The following FAT3 variants were observed in gnomAD, a reference collection of about 807,000 sequenced individuals.
FAT3 encodes the protein FAT atypical cadherin 3, also known as protocadherin Fat 3.
Under a neutral mutation model 310.2 loss-of-function variants are expected in FAT3, and 95 were observed. The ratio of observed to expected loss-of-function variants is 0.31; its 90% CI spans 0.26 to 0.36. FAT3 has a LOEUF of 0.36. Ranked by LOEUF, FAT3 falls within the 10% of genes least tolerant of loss-of-function variation. FAT3 has a pLI of 1.00. For missense variants in FAT3, 5,408 were observed against 5,715.6 expected (o/e 0.95, Z 1.74); for synonymous variants, 2,314 against 2,192.9 (o/e 1.06, Z -1.54).
chr11:92,319,724 G>A (rs532283826), intron 1 of FAT3, among the ~76,000 whole-genome samples: 1 of 152,208 alleles, frequency 6.6e-6, no homozygotes, highest in Admixed American at 6.5e-5. Flanking sequence ...TGCATGTTTA[G>A]GAGATAAGGA....
chr11:92,461,504 A>G (rs1951638447), intron 2 of FAT3, among the ~76,000 whole-genome samples: 1 of 152,196 alleles, frequency 6.6e-6, no homozygotes, highest in African/African-American at 2.4e-5. Flanking sequence ...TGTTGAAAAC[A>G]AGGGTGGGTA....
At chr11:92,566,528 A>G (rs574464098) in intron 3 of FAT3, among the ~76,000 whole-genome samples, 2 of 140,812 alleles carry the variant, frequency 1.4e-5, no homozygotes, top group South Asian at 4.2e-4. Context: ...CAGAATTGGA[A>G]AAAAACTACT....
chr11:92,698,592 T>G (rs1380950982), intron 4 of FAT3, among the ~76,000 whole-genome samples: 1 of 151,990 alleles, frequency 6.6e-6, no homozygotes, highest in Non-Finnish European at 1.5e-5. Flanking sequence ...TAATAAAGGA[T>G]TATTATTATT....
chr11:92,684,170 G>T (rs1284819575), intron 3 of FAT3, among the ~76,000 whole-genome samples: 3 of 152,148 alleles, frequency 2.0e-5, no homozygotes, highest in African/African-American at 2.4e-5. Context: ...TTTTAATCTG[G>T]GTGGCATGTT....
chr11:92,834,826 GT>G, intron 14 of FAT3, 43 bp from the exon 15 acceptor site: 1 of 1,485,686 alleles, frequency 6.7e-7, no homozygotes, highest in Non-Finnish European at 9.2e-7. Flanking sequence ...GCTGACCAGT[GT>G]TTTTTCCTAA....
chr11:92,232,778 A>G (rs1864243058), intron 1 of FAT3, among the ~76,000 whole-genome samples: 1 of 151,804 alleles, frequency 6.6e-6, no homozygotes, highest in Non-Finnish European at 1.5e-5. Flanking sequence ...AAAACTCAGT[A>G]CCTCTGAAAA....
At chr11:92,438,074 G>A (rs143131906) in intron 2 of FAT3, among the ~76,000 whole-genome samples, 2 of 152,234 alleles carry the variant, frequency 1.3e-5, no homozygotes, top group African/African-American at 4.8e-5. Context: ...ACTGGCAATT[G>A]TGATTTTAGA....
At chr11:92,644,593 C>G (rs534990957) in intron 3 of FAT3, among the ~76,000 whole-genome samples, 1 of 152,282 alleles carries the variant, frequency 6.6e-6, no homozygotes, top group Non-Finnish European at 1.5e-5. Flanking sequence ...TATGAATTTT[C>G]TATTATGAGT....
intron 2 of FAT3, among the ~76,000 whole-genome samples, chr11:92,432,393 C>T (rs1950808001): frequency 6.6e-6 from 1 of 152,144 alleles, no homozygotes; most frequent in Non-Finnish European, 1.5e-5. Flanking sequence ...AGATTTTGTG[C>T]TGAGACGATG....
At chr11:92,342,689 G>C (rs1948295516) in intron 1 of FAT3, among the ~76,000 whole-genome samples, 1 of 152,058 alleles carries the variant, frequency 6.6e-6, no homozygotes, top group Non-Finnish European at 1.5e-5. Context: ...TTTTTCCAGA[G>C]TAAGTGCTAT....
At chr11:92,322,704 T>C (rs934611034) in intron 1 of FAT3, among the ~76,000 whole-genome samples, 2 of 152,296 alleles carry the variant, frequency 1.3e-5, no homozygotes, top group Non-Finnish European at 2.9e-5. Context: ...AGAAATCACT[T>C]TCTTTGGTCA....
At chr11:92,848,422 T>A (rs143044092) in intron 19 of FAT3, among the ~76,000 whole-genome samples, 1 of 152,170 alleles carries the variant, frequency 6.6e-6, no homozygotes, top group South Asian at 2.1e-4. Flanking sequence ...CTTAAATTAA[T>A]TGAGGATGAT....
chr11:92,777,719 C>T, intron 7 of FAT3, among the ~76,000 whole-genome samples: 1 of 152,124 alleles, frequency 6.6e-6, no homozygotes, highest in East Asian at 1.9e-4. Context: ...AAGCAAGCCA[C>T]CTAACTTCTC....
At chr11:92,601,043 A>G (rs1939992951) in intron 3 of FAT3, among the ~76,000 whole-genome samples, 1 of 152,164 alleles carries the variant, frequency 6.6e-6, no homozygotes, top group Non-Finnish European at 1.5e-5. Flanking sequence ...AGATGTCATC[A>G]GAGAAGGAGG....
At chr11:92,593,405 A>G (rs1401628292) in intron 3 of FAT3, among the ~76,000 whole-genome samples, 2 of 149,290 alleles carry the variant, frequency 1.3e-5, no homozygotes, top group African/African-American at 2.5e-5. Flanking sequence ...TTACATTCCT[A>G]TCTGCAGTGC....
At chr11:92,468,291 A>G (rs1951822615) in intron 2 of FAT3, among the ~76,000 whole-genome samples, 1 of 152,222 alleles carries the variant, frequency 6.6e-6, no homozygotes. Context: ...TAAGAATTTG[A>G]GATTCCATTC....
intron 3 of FAT3, among the ~76,000 whole-genome samples, chr11:92,658,407 T>C (rs986896135): frequency 2.0e-5 from 3 of 152,206 alleles, no homozygotes; most frequent in African/African-American, 7.2e-5. Flanking sequence ...AGCTACCATA[T>C]TGCACAGCAC....
chr11:92,772,932 CA>C (rs1946495475), intron 6 of FAT3, among the ~76,000 whole-genome samples: 1 of 151,918 alleles, frequency 6.6e-6, no homozygotes. Context: ...AAATGAAATG[CA>C]AAGATGTGGA....
chr11:92,413,298 G>T (rs1029173208), intron 2 of FAT3, among the ~76,000 whole-genome samples: 1 of 152,146 alleles, frequency 6.6e-6, no homozygotes, highest in Non-Finnish European at 1.5e-5. Flanking sequence ...AGGGAGAATA[G>T]CATTCCTCTT....
Sources: allele counts gnomAD v4.1 joint callset (sites outside exome capture counted in the v4.1 genomes callset), GRCh38; gene constraint gnomAD v4.1.1; transcripts MANE v1.5; gene names NCBI Gene and HGNC (gene_info 2026-07-23, HGNC 2026-07-21).